PIKFYVE: variants seen among roughly 807,000 people sequenced by gnomAD.
PIKFYVE encodes the protein 1-phosphatidylinositol 3-phosphate 5-kinase.
In PIKFYVE, 122 loss-of-function variants were observed where a neutral mutation model predicts 257.9. The observed-to-expected ratio is 0.47, with a 90% CI of 0.41 to 0.55. The LOEUF is 0.55. Ranked by LOEUF, PIKFYVE falls within the 20% of genes least tolerant of loss-of-function variation. PIKFYVE has a pLI of 0.00. For synonymous variants in PIKFYVE, 892 were observed against 868.9 expected (o/e 1.03, Z -0.47); for missense variants, 2,160 against 2,536.6 (o/e 0.85, Z 3.19).
chr2:208,293,822 G>A (rs1692624354), intron 7 of PIKFYVE, among the ~76,000 whole-genome samples: 1 of 151,950 alleles, frequency 6.6e-6, no homozygotes, highest in African/African-American at 2.4e-5. Context: ...GGTCTTTAAG[G>A]TGGTCTTTTT....
chr2:208,289,286 A>G (rs901701606), intron 7 of PIKFYVE, among the ~76,000 whole-genome samples: 15 of 152,300 alleles, frequency 9.8e-5, no homozygotes, highest in Non-Finnish European at 1.6e-4. Flanking sequence ...TTTTGTCGTT[A>G]ATTTTTAATT....
At chr2:208,329,959 C>G in intron 22 of PIKFYVE, 46 bp downstream of exon 22, 11 of 1,599,174 alleles carry the variant, frequency 6.9e-6, no homozygotes, top group Non-Finnish European at 9.4e-6. Context: ...ATTTTTGATG[C>G]TCAAAATTTC....
intron 8 of PIKFYVE, among the ~76,000 whole-genome samples, chr2:208,299,471 G>C (rs979813979): frequency 6.6e-6 from 1 of 151,964 alleles, no homozygotes; most frequent in African/African-American, 2.4e-5. Context: ...TGTATTTTTA[G>C]TAGAGACGGG....
At position 208,350,872 on chromosome 2, in the gene PIKFYVE, AT is replaced by A; in HGVS notation, c.5538del (p.Arg1847ValfsTer30). On this transcript the variant is annotated frameshift_variant, in exon 37 of 42. Transcript: ENST00000264380. LOFTEE classifies it high-confidence loss of function. ...VILDSSEEDF[I>X]RSLSHSSPWQ... is the part of the protein sequence containing the mutation. Reference sequence around the variant, plus strand: ...TCTGGACAGCAGTGAAGAAGATTTCATTCGTTCCCTCTCCCACTCATCACCC... The same window carrying A: ...TCTGGACAGCAGTGAAGAAGATTTCATCGTTCCCTCTCCCACTCATCACCC... 1 of 1,614,164 alleles carries A rather than the reference AT, an allele frequency of 6.2e-7. No individual in the cohort carries two copies. Among genetic ancestry groups the A allele is most frequent in the Non-Finnish European group, 8.5e-7 (1 of 1,180,024 alleles).
At chr2:208,301,311 T>C (rs1263216489) in intron 9 of PIKFYVE, among the ~76,000 whole-genome samples, 1 of 152,158 alleles carries the variant, frequency 6.6e-6, no homozygotes, top group African/African-American at 2.4e-5. Flanking sequence ...AATAGGATCT[T>C]AATTTACCTT....
chr2:208,289,313 A>G (rs1414367648), intron 7 of PIKFYVE, among the ~76,000 whole-genome samples: 1 of 152,254 alleles, frequency 6.6e-6, no homozygotes, highest in African/African-American at 2.4e-5. Context: ...AAAAAATGTC[A>G]AACATGCAGA....
chr2:208,330,748 GT>G (rs34136239), intron 23 of PIKFYVE, 54 bp downstream of exon 23: 21,736 of 1,141,750 alleles, frequency 0.019, 1 homozygote, highest in East Asian at 0.031. Context: ...TTATTTGTAT[GT>G]TTTTTTTTTT....
rs1688748220 is a variant in PIKFYVE at position 208,267,189 on chromosome 2, G to A, written c.-10+774G>A. On this transcript the variant is annotated intron_variant, in intron 1 of 41. Coordinates refer to ENST00000264380, the MANE Select transcript of PIKFYVE (RefSeq NM_015040.4). Reference sequence around the variant, plus strand: ...TGTGTTGTAAAATATGTCCAGTGTTGACAATAGAGGTAGTCGCTTGGTATA... The same window carrying A: ...TGTGTTGTAAAATATGTCCAGTGTTAACAATAGAGGTAGTCGCTTGGTATA... 2.0e-5 allele frequency among the ~76,000 whole-genome samples: 3 copies of A among 152,166 alleles called. No homozygotes were observed. The South Asian group carries it at 6.2e-4, about 31-fold the overall frequency.
intron 17 of PIKFYVE, among the ~76,000 whole-genome samples, chr2:208,322,060 A>G (rs1388811123): frequency 2.0e-5 from 3 of 152,126 alleles, no homozygotes; most frequent in Non-Finnish European, 4.4e-5. Flanking sequence ...TGGTTTCAGA[A>G]TGTAGAGGAG....
At chr2:208,302,169 G>T (rs185017604) in intron 9 of PIKFYVE, 73 bp from the exon 10 acceptor site, 1 of 1,280,492 alleles carries the variant, frequency 7.8e-7, no homozygotes, top group Non-Finnish European at 1.1e-6. Flanking sequence ...ATATTTTAAG[G>T]TTGTGTCTTA....
At chr2:208,328,142 G>A in intron 20 of PIKFYVE, 38 bp from the exon 21 acceptor site, 1 of 1,612,516 alleles carries the variant, frequency 6.2e-7, no homozygotes, top group Non-Finnish European at 8.5e-7. Context: ...GAATGCGGTT[G>A]CAGTCACTTG....
chr2:208,305,380 A>G (rs964467420), intron 12 of PIKFYVE: 56 of 1,118,456 alleles, frequency 5.0e-5, no homozygotes, highest in South Asian at 1.2e-4. Flanking sequence ...TTTAAAGCCT[A>G]TTTGCCTTTG....
At chr2:208,320,899 A>G (rs1559119584) in intron 17 of PIKFYVE, among the ~76,000 whole-genome samples, 1 of 152,220 alleles carries the variant, frequency 6.6e-6, no homozygotes, top group Non-Finnish European at 1.5e-5. Context: ...AGAAAGTAAA[A>G]GTGAGCTTTT....
Position 208,356,113 on chromosome 2 carries a change from A to G in PIKFYVE, c.*808A>G, listed in dbSNP as rs1251382164. 6.6e-6 allele frequency: 1 copy of G among 152,166 alleles called. No homozygotes were observed. The highest frequency in any genetic ancestry group is 6.5e-5 in the Admixed American group (1 of 15,270). 9.4% of individuals were successfully genotyped at this position (152,166 alleles called of 1,614,324 possible). A position where few individuals can be genotyped will look rare whatever the true frequency, so the allele number is the denominator to read the frequency against. On this transcript the variant is annotated 3_prime_UTR_variant, in exon 42 of 42. Coordinates refer to ENST00000264380, the MANE Select transcript of PIKFYVE (RefSeq NM_015040.4). ...AGGGTATCATAGTAAATCATTAGTA[A>G]ATGAGTCTGTAGTTACTAAACCCTA...
At chr2:208,287,392 A>G (rs1388905826) in intron 6 of PIKFYVE, among the ~76,000 whole-genome samples, 5 of 148,304 alleles carry the variant, frequency 3.4e-5, no homozygotes, top group East Asian at 2.0e-4. Context: ...TCCTGCCTCA[A>G]CCTCCTGAGT....
At chr2:208,318,188 T>C (rs559123273) in intron 16 of PIKFYVE, among the ~76,000 whole-genome samples, 4 of 152,312 alleles carry the variant, frequency 2.6e-5, no homozygotes, top group African/African-American at 9.6e-5. Context: ...GCTTCTAGAT[T>C]AACAGAATGA....
Position 208,324,891 on chromosome 2 carries a change from A to T in PIKFYVE, c.2332-20A>T. 1 of 1,612,120 alleles carries T rather than the reference A, an allele frequency of 6.2e-7. No individual in the cohort carries two copies. The highest frequency in any genetic ancestry group is 8.5e-7 in the Non-Finnish European group (1 of 1,178,248). On this transcript the variant is annotated intron_variant, in intron 18 of 41. Transcript: ENST00000264380. ...TTATTCTTCTCTAGTTTTGTAATACAATGTTTTTCTGTTTTGTAGCAAGTT... is the reference window on the plus strand; with the variant it reads ...TTATTCTTCTCTAGTTTTGTAATACTATGTTTTTCTGTTTTGTAGCAAGTT...
At chr2:208,314,261 A>G in intron 13 of PIKFYVE, 33 bp from the exon 14 acceptor site, 1 of 1,599,238 alleles carries the variant, frequency 6.3e-7, no homozygotes, top group Non-Finnish European at 8.6e-7. Context: ...CAGGACAATG[A>G]AGTAATAACT....
At chr2:208,274,159 C>A in intron 3 of PIKFYVE, 2 of 1,225,600 alleles carry the variant, frequency 1.6e-6, no homozygotes, top group Non-Finnish European at 2.4e-6. Flanking sequence ...CATTATTGGG[C>A]TGCCACTTGC....
Sources: gnomAD v4.1 joint callset for allele counts (sites outside exome capture counted in the v4.1 genomes callset) on GRCh38, gnomAD v4.1.1 for gene constraint, MANE v1.5 for transcripts, NCBI Gene and HGNC (gene_info 2026-07-23, HGNC 2026-07-21) for gene names.